The following NEB variants were observed in gnomAD, a reference collection of about 807,000 sequenced individuals.
NEB encodes nemaline myopathy type 2.
Under a neutral mutation model 952.2 loss-of-function variants are expected in NEB, and 512 were observed. The ratio of observed to expected loss-of-function variants is 0.54; its 90% confidence interval spans 0.50 to 0.58. NEB has a LOEUF of 0.58. NEB is among the 20% of genes least tolerant of loss of function. The pLI is 0.00. For missense variants in NEB, 8,428 were observed against 9,231.1 expected, an observed-to-expected ratio of 0.91 and a Z score of 3.56; for synonymous variants, 2,900 against 3,149.8, an observed-to-expected ratio of 0.92 and a Z score of 2.66.
At chr2:151,524,653 G>GTTTT in intron 151 of NEB, 37 bp from the exon 152 acceptor site, 5 of 515,218 alleles carry the variant, frequency 9.7e-6, no homozygotes, top group South Asian at 8.2e-5. Flanking sequence ...CAAGAGAGAG[G>GTTTT]CTTTTTTTTT....
chr2:151,492,959 G>T (rs1277576101), intron 176 of NEB: 2 of 187,374 alleles, frequency 1.1e-5, no homozygotes, highest in Non-Finnish European at 2.2e-5. Flanking sequence ...TATATCCAAA[G>T]AAGGCATCCA....
In NEB at chr2:151,724,925, T is replaced by C. The variant is rs760291705; in HGVS notation, c.439A>G (p.Ile147Val). 3 of 1,613,774 alleles carry C rather than the reference T, an allele frequency of 1.9e-6. No homozygotes were observed. Among genetic ancestry groups the C allele is most frequent in the South Asian group, 1.1e-5 (1 of 91,090 alleles). The change falls in exon 7 of 182, where the codon ATA becomes GTA. Residue 147 changes from isoleucine (I) to valine (V), a missense_variant. Around this residue, in one of 11 missense-constraint regions of NEB, gnomAD observed 2,851 missense variants for 2,791.5 expected, o/e 1.02. Coordinates refer to ENST00000397345, the MANE Select transcript of NEB (RefSeq NM_001164508.2). ...TTTGCTTTTTCATCTACGTGACATA[T>C]AGTCTTAGCAACATCACCATCCATT... ...YRMDGDVAKTICHVDEKAKDI... is the reference protein window; with the variant it reads ...YRMDGDVAKTVCHVDEKAKDI...
intron 124 of NEB, among the ~76,000 whole-genome samples, chr2:151,557,044 C>CA (rs1166835417): frequency 7.9e-5 from 12 of 151,814 alleles, no homozygotes; most frequent in African/African-American, 2.7e-4. Flanking sequence ...GATTGAGACA[C>CA]AAAAAACCCT....
rs1025708393 is a variant in NEB, at chr2:151,490,576, G to A, written c.25151-58C>T. The A allele has an allele frequency of 3.9e-6, 6 of 1,554,852 alleles. No homozygotes were observed. In the African/African-American group the frequency reaches 4.1e-5, roughly 11 times the overall value. ...AACATGAAATTTCTATGGTAGTAAT[G>A]CCTAACAGTGATTGAATCTCAGTTA... On this transcript the variant is annotated intron_variant, in intron 179 of 181. Transcript: ENST00000397345.
chr2:151,560,110 G>T (rs1200898747), intron 124 of NEB, among the ~76,000 whole-genome samples: 1 of 152,076 alleles, frequency 6.6e-6, no homozygotes, highest in Non-Finnish European at 1.5e-5. Flanking sequence ...TTATATCTAA[G>T]AAAAGTTCTA....
intron 76 of NEB, among the ~76,000 whole-genome samples, chr2:151,614,987 T>A (rs1169481071): frequency 6.6e-6 from 1 of 152,204 alleles, no homozygotes; most frequent in Admixed American, 6.5e-5. Flanking sequence ...TTTAGAATAG[T>A]TCCCTTATTA....
rs2096576160 is a variant in NEB at position 151,570,135 on chromosome 2, C to G, written c.17376G>C (p.Met5792Ile). Residue 5792 changes from methionine (M) to isoleucine (I), a missense_variant, in exon 109 of 182, where the codon ATG becomes ATC. Physicochemically the swap from Met to Ile is conservative, Grantham distance 10. Coordinates refer to ENST00000397345, the MANE Select transcript of NEB (RefSeq NM_001164508.2). ...YRNYLHQWTCMPDQNDVIQAK... is the reference protein window; with the variant it reads ...YRNYLHQWTCIPDQNDVIQAK... ...CCTGAATCACATCGTTCTGGTCGGG[C>G]ATGCAGGTCCACTGGTGCAGGTAAT... 6.2e-7 allele frequency: 1 copy of G among 1,612,778 alleles called. No homozygotes were observed. The highest frequency in any genetic ancestry group is 8.5e-7 in the Non-Finnish European group (1 of 1,179,352).
chr2:151,692,060 T>A lies in NEB; in HGVS notation c.2105A>T (p.Asp702Val). ...ATGAACCATTGTCTTCAAACTTACATCACTGTTTTGAGCTGCAACTTTCAT... is the reference window on the plus strand; with the variant it reads ...ATGAACCATTGTCTTCAAACTTACAACACTGTTTTGAGCTGCAACTTTCAT... Reference protein sequence around the residue: ...HCMKVAAQNSDKSYKAEYEED... With the variant: ...HCMKVAAQNSVKSYKAEYEED... The change falls in exon 22 of 182, where the codon GAT becomes GTT. Residue 702 changes from aspartate (D) to valine (V), a missense_variant and splice_region_variant. Physicochemically the swap from Asp to Val is radical, Grantham distance 152. Coordinates refer to ENST00000397345, the MANE Select transcript of NEB (RefSeq NM_001164508.2). 6.2e-7 allele frequency: 1 copy of A among 1,613,510 alleles called. No individual in the cohort carries two copies. The highest frequency in any genetic ancestry group is 8.5e-7 in the Non-Finnish European group (1 of 1,179,434).
Position 151,561,297 on chromosome 2 carries a change from C to T in NEB, c.19012G>A (p.Ala6338Thr), listed in dbSNP as rs759946299. 5 of 1,596,436 alleles carry T rather than the reference C, an allele frequency of 3.1e-6. No homozygotes were observed. The Admixed American group carries it at 6.9e-5, about 22-fold the overall frequency. The change falls in exon 122 of 182, where the codon GCA becomes ACA. Residue 6338 changes from alanine to threonine, a missense_variant. By Grantham distance (58) the Ala-to-Thr change is moderately conservative. Around this residue, in one of 11 missense-constraint regions of NEB, gnomAD observed 3,374 missense variants for 3,651.5 expected, o/e 0.92. Transcript: ENST00000397345. ...DLQSQLQYTA[A>T]GKENLQNYNL... ...TAGTTTTGTAGATTTTCTTTACCTGCTGCTGTATATTGTAGCTGTGAAGAA... is the reference window on the plus strand; with the variant it reads ...TAGTTTTGTAGATTTTCTTTACCTGTTGCTGTATATTGTAGCTGTGAAGAA...
rs115481788 is a variant in NEB at position 151,574,398 on chromosome 2, A to G, written c.17013+1297T>C. Among the ~76,000 whole-genome samples, 611 of 152,386 alleles carry G rather than the reference A, an allele frequency of 4.0e-3. 3 individuals carry two copies. Among genetic ancestry groups the G allele is most frequent in the African/African-American group, 0.014 (584 of 41,596 alleles). On this transcript the variant is annotated intron_variant, in intron 107 of 181. Coordinates refer to ENST00000397345, the MANE Select transcript of NEB (RefSeq NM_001164508.2). ...CCTCATTTTAATCCTGATATGAATG[A>G]GAAGTTTGGTCACTGAGGATGAGTT...
intron 78 of NEB, 71 bp from the exon 79 acceptor site, chr2:151,610,937 ATCATT>A: frequency 1.1e-6 from 1 of 920,156 alleles, no homozygotes; most frequent in Non-Finnish European, 1.6e-6. Flanking sequence ...AGCCAATAAC[ATCATT>A]ACAGTTGTTA....
intron 61 of NEB, 102 bp from the exon 62 acceptor site, chr2:151,640,162 G>C (rs2098828854): frequency 1.4e-6 from 2 of 1,477,972 alleles, no homozygotes; most frequent in Non-Finnish European, 9.3e-7. Flanking sequence ...AATTTAGTTT[G>C]GTGGACGGGC....
At chr2:151,626,827 G>A (rs999189411) in intron 70 of NEB, among the ~76,000 whole-genome samples, 175 bp downstream of exon 70, 4 of 152,224 alleles carry the variant, frequency 2.6e-5, no homozygotes, top group African/African-American at 4.8e-5. Flanking sequence ...CACAAGAGAT[G>A]TCAAAGCAGA....
At chr2:151,545,531 C>T (rs1318249521) in intron 135 of NEB, among the ~76,000 whole-genome samples, 1 of 151,770 alleles carries the variant, frequency 6.6e-6, no homozygotes, top group African/African-American at 2.4e-5. Context: ...GCCGAGATTG[C>T]GCCATTGCAC....
At chr2:151,648,516 C>T (rs1181635182) in intron 54 of NEB, among the ~76,000 whole-genome samples, 1 of 152,200 alleles carries the variant, frequency 6.6e-6, no homozygotes, top group African/African-American at 2.4e-5. Context: ...TCAGGGCCTT[C>T]AGTGCATCCA....
intron 130 of NEB, 63 bp downstream of exon 130, chr2:151,549,573 A>T: frequency 9.4e-7 from 1 of 1,059,164 alleles, no homozygotes; most frequent in Non-Finnish European, 1.4e-6. Context: ...CAGGCTATTA[A>T]TTAATATGAG....
intron 5 of NEB, among the ~76,000 whole-genome samples, chr2:151,726,499 C>A (rs1236288619): frequency 6.6e-6 from 1 of 152,146 alleles, no homozygotes; most frequent in East Asian, 1.9e-4. Context: ...TTCTCTTAAG[C>A]TACATTTCAT....
chr2:151,697,451 A>T lies in NEB; in HGVS notation c.1264T>A (p.Tyr422Asn). ...VLQNFSSDKK[Y>N]KDSYLKDILG... ...ATATCTTTTAAGTAGGAATCTTTATATTTTTTCTGCAAGACAAAACATACT... is the reference window on the plus strand; with the variant it reads ...ATATCTTTTAAGTAGGAATCTTTATTTTTTTTCTGCAAGACAAAACATACT... The change falls in exon 15 of 182, where the codon TAT (tyrosine) becomes AAT (asparagine). Residue 422 changes from tyrosine to asparagine, a missense_variant. Transcript: ENST00000397345. The T allele has an allele frequency of 6.2e-7, 1 of 1,612,696 alleles. No homozygotes were observed. Among genetic ancestry groups the T allele is most frequent in the Non-Finnish European group, 8.5e-7 (1 of 1,179,110 alleles).
At chr2:151,638,325 C>T (rs1450634156) in intron 63 of NEB, among the ~76,000 whole-genome samples, 1 of 152,124 alleles carries the variant, frequency 6.6e-6, no homozygotes, top group Non-Finnish European at 1.5e-5. Flanking sequence ...ATCAGTCATT[C>T]CCCACTCATA....
Sources: gnomAD v4.1 joint callset for allele counts (sites outside exome capture counted in the v4.1 genomes callset) on GRCh38, gnomAD v4.1.1 for gene constraint, gnomAD v4.1.1 regional missense constraint, MANE v1.5 for transcripts, NCBI Gene and HGNC (gene_info 2026-07-23, HGNC 2026-07-21) for gene names.